Variants in PLCH1 observed in about 807,000 individuals in gnomAD.
The protein encoded by PLCH1 is 1-phosphatidylinositol 4,5-bisphosphate phosphodiesterase eta-1.
A neutral mutation model predicts 126.7 loss-of-function variants in PLCH1; 60 were observed. The observed-to-expected ratio is 0.47, with a 90% CI of 0.38 to 0.59. The LOEUF (loss-of-function observed/expected upper bound fraction) is 0.59. Ranked by LOEUF, PLCH1 falls within the 20% of genes least tolerant of loss-of-function variation. The probability of loss-of-function intolerance (pLI) is 0.00; values close to 1 mark genes in which losing one functional copy is unlikely to be tolerated. For synonymous variants in PLCH1, 719 were observed against 734.9 expected (o/e 0.98, Z 0.35); for missense variants, 1,723 against 2,040.0 (o/e 0.84, Z 2.99).
chr3:155,530,756 T>C (rs1188800451), intron 10 of PLCH1, among the ~76,000 whole-genome samples: 1 of 152,230 alleles, frequency 6.6e-6, no homozygotes, highest in Non-Finnish European at 1.5e-5. Context: ...GCATTTAGAA[T>C]GGTGAATCCT....
chr3:155,533,378 T>C (rs1084714), intron 10 of PLCH1, among the ~76,000 whole-genome samples: 123,575 of 151,760 alleles, frequency 0.81, 52,020 homozygotes, highest in Middle Eastern at 0.95. Flanking sequence ...GAAACCCCGT[T>C]TCTACTAAAA....
chr3:155,693,059 G>A (rs1577329034), intron 2 of PLCH1, among the ~76,000 whole-genome samples: 1 of 152,142 alleles, frequency 6.6e-6, no homozygotes, highest in East Asian at 1.9e-4. Context: ...TGGGATTACA[G>A]GCGTGCGCCC....
At chr3:155,593,837 A>G (rs1732522337) in intron 4 of PLCH1, 104 bp downstream of exon 4, 1 of 1,208,738 alleles carries the variant, frequency 8.3e-7, no homozygotes, top group Non-Finnish European at 1.1e-6. Context: ...AGAAAGGAAA[A>G]TTATGGGAAA....
intron 2 of PLCH1, among the ~76,000 whole-genome samples, chr3:155,671,492 A>T (rs1444360349): frequency 6.6e-6 from 1 of 152,206 alleles, no homozygotes; most frequent in Admixed American, 6.5e-5. Context: ...TTGTTTATTG[A>T]TATTAAACTT....
intron 2 of PLCH1, among the ~76,000 whole-genome samples, chr3:155,648,271 A>G (rs568402936): frequency 1.3e-4 from 20 of 152,290 alleles, no homozygotes; most frequent in African/African-American, 4.6e-4. Flanking sequence ...CATTCATCAA[A>G]TCAGGTTGAA....
chr3:155,631,819 A>G (rs187466838), intron 2 of PLCH1, among the ~76,000 whole-genome samples: 26 of 152,238 alleles, frequency 1.7e-4, no homozygotes, highest in Non-Finnish European at 8.8e-5. Flanking sequence ...CTGATGAATA[A>G]TGCAGAAGCA....
In PLCH1 at chr3:155,596,337, T is replaced by C. The variant is rs773430215; in HGVS notation, c.121A>G (p.Ile41Val). 1 of 1,613,802 alleles carries C rather than the reference T, an allele frequency of 6.2e-7. No individual in the cohort carries two copies. Among genetic ancestry groups the C allele is most frequent in the African/African-American group, 1.3e-5 (1 of 75,050 alleles). The change falls in exon 3 of 23, where the codon ATC becomes GTC. Residue 41 changes from isoleucine (I) to valine (V), a missense_variant. Physicochemically the swap from Ile to Val is conservative, Grantham distance 29. Transcript: ENST00000460012. ...MSVMQSGTQM[I>V]KLKRGTKGLV... ...CCTTTGGTTCCACGTTTCAGCTTGA[T>C]CATCTGTGTCCCGGACTGCATCACA...
intron 19 of PLCH1, among the ~76,000 whole-genome samples, chr3:155,489,245 G>A (rs908823706): frequency 6.6e-6 from 1 of 152,138 alleles, no homozygotes; most frequent in Non-Finnish European, 1.5e-5. Flanking sequence ...TTTATAAGGT[G>A]CATTTGCAGG....
chr3:155,735,795 G>A (rs1000723459), intron 1 of PLCH1, among the ~76,000 whole-genome samples: 13 of 152,060 alleles, frequency 8.5e-5, no homozygotes, highest in Admixed American at 8.5e-4. Context: ...GTCAATTAAA[G>A]AAAATAAATA....
At chr3:155,673,148 A>G (rs182278098) in intron 2 of PLCH1, among the ~76,000 whole-genome samples, 1 of 136,660 alleles carries the variant, frequency 7.3e-6, no homozygotes, top group East Asian at 2.1e-4. Flanking sequence ...CTACTCCTTC[A>G]GCTTCAACCC....
chr3:155,512,698 G>T (rs1028003497), intron 12 of PLCH1, among the ~76,000 whole-genome samples: 3 of 152,182 alleles, frequency 2.0e-5, no homozygotes, highest in Admixed American at 1.3e-4. Flanking sequence ...ACACTCTGTG[G>T]GTGTCACCGC....
intron 1 of PLCH1, among the ~76,000 whole-genome samples, chr3:155,707,898 TTTCCAGC>T (rs1456281163): frequency 6.6e-6 from 1 of 152,192 alleles, no homozygotes; most frequent in Non-Finnish European, 1.5e-5. Flanking sequence ...TGGCCCAGGC[TTTCCAGC>T]TTCCAGATCT....
intron 2 of PLCH1, among the ~76,000 whole-genome samples, chr3:155,657,472 T>C (rs1559904609): frequency 6.6e-6 from 1 of 152,166 alleles, no homozygotes; most frequent in Non-Finnish European, 1.5e-5. Context: ...AGATGCGGAC[T>C]CTAGCATTCG....
At chr3:155,452,264 G>A (rs749101227) in intron 21 of PLCH1, among the ~76,000 whole-genome samples, 3 of 152,124 alleles carry the variant, frequency 2.0e-5, no homozygotes, top group South Asian at 2.1e-4. Flanking sequence ...CATCAATCTC[G>A]TAAGACTTAT....
In PLCH1 at chr3:155,692,017, G is replaced by A. The variant is rs558814191; in HGVS notation, c.79+12129C>T. ...CTGCACTCCAACCTGGCAACAGAGCGAGACTCTGTCTAAAAAAAAAAAAAA... is the reference window on the plus strand; with the variant it reads ...CTGCACTCCAACCTGGCAACAGAGCAAGACTCTGTCTAAAAAAAAAAAAAA... On this transcript the variant is annotated intron_variant, in intron 2 of 22. Coordinates refer to ENST00000460012, the MANE Select transcript of PLCH1 (RefSeq NM_014996.4). 3.3e-5 allele frequency among the ~76,000 whole-genome samples: 5 copies of A among 150,146 alleles called. No homozygotes were observed. The East Asian group carries it at 5.9e-4, about 18-fold the overall frequency.
chr3:155,686,581 C>T (rs17414186), intron 2 of PLCH1, among the ~76,000 whole-genome samples: 2,367 of 152,268 alleles, frequency 0.016, 26 homozygotes, highest in Non-Finnish European at 0.023. Flanking sequence ...CAGTTGTCAC[C>T]ACTTTCTAAC....
intron 1 of PLCH1, among the ~76,000 whole-genome samples, chr3:155,712,463 A>G (rs1747193377): frequency 6.6e-6 from 1 of 152,224 alleles, no homozygotes; most frequent in Admixed American, 6.5e-5. Context: ...TTTATGAAAC[A>G]CTACAGATTT....
intron 13 of PLCH1, among the ~76,000 whole-genome samples, 153 bp from the exon 14 acceptor site, chr3:155,500,947 T>C (rs930238841): frequency 6.6e-6 from 1 of 152,176 alleles, no homozygotes; most frequent in African/African-American, 2.4e-5. Context: ...TCAGCATTAA[T>C]AACAAGCCTA....
intron 2 of PLCH1, among the ~76,000 whole-genome samples, chr3:155,700,610 T>C (rs1746202022): frequency 6.6e-6 from 1 of 152,226 alleles, no homozygotes; most frequent in Non-Finnish European, 1.5e-5. Context: ...AGTACAATTA[T>C]AACTAGCAGT....
Sources: allele counts gnomAD v4.1 joint callset (sites outside exome capture counted in the v4.1 genomes callset), GRCh38; gene constraint gnomAD v4.1.1; transcripts MANE v1.5; gene names NCBI Gene and HGNC (gene_info 2026-07-23, HGNC 2026-07-21).